Variants in PPARGC1A observed in about 807,000 individuals in gnomAD.
PPARGC1A encodes peroxisome proliferator-activated receptor gamma coactivator 1-alpha.
PPARGC1A carries 25 observed loss-of-function variants against 88.7 expected under a neutral mutation model. That is an observed-to-expected ratio of 0.28 (90% CI 0.21 to 0.39). The LOEUF (loss-of-function observed/expected upper bound fraction) is 0.39. PPARGC1A is among the 10% of genes least tolerant of loss of function. The pLI, the probability that PPARGC1A is intolerant of heterozygous loss-of-function variation, is 1.00. For synonymous variants in PPARGC1A, 363 were observed against 355.6 expected, an observed-to-expected ratio of 1.02 and a Z score of -0.24; for missense variants, 880 against 968.7, an observed-to-expected ratio of 0.91 and a Z score of 1.22.
the PPARGC1A span, among the ~76,000 whole-genome samples, chr4:24,310,598 A>G: frequency 1.3e-5 from 2 of 152,192 alleles, no homozygotes; most frequent in African/African-American, 4.8e-5. Flanking sequence ...TAAGGATAAA[A>G]TAACAGAACT....
chr4:24,427,984 A>G, the PPARGC1A span, among the ~76,000 whole-genome samples: 2 of 151,958 alleles, frequency 1.3e-5, no homozygotes, highest in Non-Finnish European at 2.9e-5. Context: ...CCATGGTGGC[A>G]TATGTCTTTA....
At chr4:24,274,215 G>A in the PPARGC1A span, among the ~76,000 whole-genome samples, 1 of 152,048 alleles carries the variant, frequency 6.6e-6, no homozygotes, top group African/African-American at 2.4e-5. Context: ...CTTCTCATTT[G>A]TTAATTCATA....
the PPARGC1A span, among the ~76,000 whole-genome samples, chr4:24,122,387 G>GTA: frequency 4.9e-3 from 591 of 120,452 alleles, 11 homozygotes; most frequent in East Asian, 0.071. Context: ...GTATGCGTAT[G>GTA]TGTGTGTGTG....
Position 23,828,552 on chromosome 4 carries a change from G to A in PPARGC1A, c.605C>T (p.Pro202Leu). The A allele has an allele frequency of 6.2e-7, 1 of 1,614,094 alleles. No individual in the cohort carries two copies. The highest frequency in any genetic ancestry group is 8.5e-7 in the Non-Finnish European group (1 of 1,180,006). The stretch of plus-strand genomic sequence containing the variant: ...AAGCTCCGAGCAGGGACGTCTTTGT[G>A]GCTTTTGCTGTTGACAAATACTCTT... ...KAKSICQQQK[P>L]QRRPCSELLK... The change falls in exon 5 of 13, where the codon CCA becomes CTA. Residue 202 changes from proline (P) to leucine (L), a missense_variant. Pro to Leu is a moderately conservative substitution (Grantham distance 98, BLOSUM62 -3). Coordinates refer to ENST00000264867, the MANE Select transcript of PPARGC1A (RefSeq NM_013261.5).
At chr4:24,119,455 T>C in the PPARGC1A span, among the ~76,000 whole-genome samples, 3 of 152,184 alleles carry the variant, frequency 2.0e-5, no homozygotes, top group Non-Finnish European at 4.4e-5. Flanking sequence ...GGGGCTTCTC[T>C]GTGGCAACTG....
At chr4:24,455,397 C>T in the PPARGC1A span, among the ~76,000 whole-genome samples, 4 of 152,326 alleles carry the variant, frequency 2.6e-5, no homozygotes, top group Admixed American at 2.6e-4. Flanking sequence ...GGAAGGATCA[C>T]TTGAGTCTTG....
intron 10 of PPARGC1A, among the ~76,000 whole-genome samples, 198 bp from the exon 11 acceptor site, chr4:23,802,543 TG>T (rs1718982355): frequency 6.6e-6 from 1 of 151,712 alleles, no homozygotes. Flanking sequence ...CCAGGTGTGG[TG>T]GTGGGCACCT....
chr4:24,338,240 G>A, the PPARGC1A span, among the ~76,000 whole-genome samples: 996 of 152,128 alleles, frequency 6.5e-3, 6 homozygotes, highest in Middle Eastern at 0.02. Context: ...CACACCGAGC[G>A]CATTTAGAGT....
intron 12 of PPARGC1A, among the ~76,000 whole-genome samples, chr4:23,801,130 G>A (rs934122513): frequency 1.3e-5 from 2 of 151,872 alleles, no homozygotes; most frequent in Non-Finnish European, 2.9e-5. Flanking sequence ...AAACAATGAT[G>A]GCAATGCTAT....
the PPARGC1A span, among the ~76,000 whole-genome samples, chr4:24,088,806 T>C: frequency 6.6e-6 from 1 of 152,186 alleles, no homozygotes; most frequent in African/African-American, 2.4e-5. Context: ...TTCCATGGGA[T>C]AAATAATGAG....
the PPARGC1A span, among the ~76,000 whole-genome samples, chr4:23,951,122 C>G: frequency 6.6e-6 from 1 of 152,118 alleles, no homozygotes; most frequent in Non-Finnish European, 1.5e-5. Flanking sequence ...CTCTCTCTGA[C>G]TTTGAAAGAC....
intron 2 of PPARGC1A, among the ~76,000 whole-genome samples, chr4:23,872,917 T>C (rs1018477122): frequency 2.0e-5 from 3 of 152,020 alleles, no homozygotes; most frequent in South Asian, 4.1e-4. Context: ...GTGGGCCGGG[T>C]GCAGTGGCTC....
chr4:24,382,908 A>C, the PPARGC1A span, among the ~76,000 whole-genome samples: 1 of 152,156 alleles, frequency 6.6e-6, no homozygotes. Flanking sequence ...CTGCCTCCTC[A>C]AGTGGGTCCC....
the PPARGC1A span, among the ~76,000 whole-genome samples, chr4:24,115,059 A>G: frequency 2.0e-3 from 304 of 152,348 alleles, 2 homozygotes; most frequent in African/African-American, 6.9e-3. Context: ...TGCATTTTTG[A>G]ATCCAGCATA....
At chr4:24,297,935 G>A in the PPARGC1A span, among the ~76,000 whole-genome samples, 1 of 152,160 alleles carries the variant, frequency 6.6e-6, no homozygotes, top group Non-Finnish European at 1.5e-5. Context: ...TTTACAAAGA[G>A]AAAATAAGAG....
At chr4:24,186,543 T>A in the PPARGC1A span, among the ~76,000 whole-genome samples, 4 of 152,264 alleles carry the variant, frequency 2.6e-5, no homozygotes, top group African/African-American at 9.6e-5. Flanking sequence ...CCAGGGTTGT[T>A]GGGATAATTA....
chr4:24,297,465 T>C, the PPARGC1A span, among the ~76,000 whole-genome samples: 7 of 152,228 alleles, frequency 4.6e-5, no homozygotes, highest in African/African-American at 1.7e-4. Flanking sequence ...CAATTTACCT[T>C]CATGAGCCAT....
chr4:24,125,002 G>A, the PPARGC1A span, among the ~76,000 whole-genome samples: 1 of 151,846 alleles, frequency 6.6e-6, no homozygotes, highest in African/African-American at 2.4e-5. Context: ...AGAAAACATG[G>A]GATAAGAATT....
upstream of PPARGC1A, among the ~76,000 whole-genome samples, chr4:23,894,500 C>A (rs73099509): frequency 6.8e-6 from 1 of 147,492 alleles, no homozygotes; most frequent in African/African-American, 2.5e-5. Flanking sequence ...GAACAAAGAA[C>A]CTTTGAGGAA....
Sources: allele counts gnomAD v4.1 joint callset (sites outside exome capture counted in the v4.1 genomes callset), GRCh38; gene constraint gnomAD v4.1.1; transcripts MANE v1.5; gene names NCBI Gene and HGNC (gene_info 2026-07-23, HGNC 2026-07-21).